SLC9A5: variants seen among roughly 807,000 people sequenced by gnomAD.
SLC9A5 encodes the protein solute carrier family 9 member A5, also known as sodium/hydrogen exchanger 5.
In SLC9A5, 52 loss-of-function variants were observed where a neutral mutation model predicts 91.7. The observed-to-expected ratio is 0.57, with a 90% CI of 0.45 to 0.71. The LOEUF is 0.71. Among genes scored for constraint, SLC9A5 ranks in the 30% least tolerant of loss-of-function variants. The pLI is 0.00. For missense variants in SLC9A5, 871 were observed against 1,158.9 expected (o/e 0.75, Z 3.61); for synonymous variants, 419 against 474.5 (o/e 0.88, Z 1.52).
At chr16:67,263,943 G>A (rs112091111) in intron 12 of SLC9A5, among the ~76,000 whole-genome samples, 6 of 152,338 alleles carry the variant, frequency 3.9e-5, no homozygotes, top group African/African-American at 1.4e-4. Context: ...ATTCCAGCTG[G>A]AGAAAGGATC....
At chr16:67,253,707 G>A (rs541868956) in intron 2 of SLC9A5, among the ~76,000 whole-genome samples, 3 of 152,178 alleles carry the variant, frequency 2.0e-5, no homozygotes, top group Non-Finnish European at 4.4e-5. Flanking sequence ...ATTTTTAGTA[G>A]AGATGGGGTT....
At position 67,258,500 on chromosome 16, in the gene SLC9A5, G is replaced by C; in HGVS notation, c.1626+53G>C. On this transcript the variant is annotated intron_variant, in intron 10 of 15. Transcript: ENST00000299798. This position sits in a 1 kb window ranked among gnomAD's most constrained non-coding sequence, Gnocchi z 4.5. ...GTGGTGGGTGGGCAGATGGTCAGCA[G>C]AGCAGGACAGAAAGGGGTGGCAAGC... is the stretch of plus-strand genomic sequence containing the variant. 6.2e-7 allele frequency: 1 copy of C among 1,609,038 alleles called. No homozygotes were observed. Among genetic ancestry groups the C allele is most frequent in the East Asian group, 2.2e-5 (1 of 44,804 alleles).
At chr16:67,253,809 C>G (rs576292393) in intron 2 of SLC9A5, among the ~76,000 whole-genome samples, 1 of 152,332 alleles carries the variant, frequency 6.6e-6, no homozygotes, top group Admixed American at 6.5e-5. Flanking sequence ...AGGCATGAGC[C>G]ACCACGCCTG....
rs1012909670 is a variant in SLC9A5 at position 67,258,064 on chromosome 16, C to T, written c.1497-254C>T. Among the ~76,000 whole-genome samples the T allele has an allele frequency of 6.6e-6, 1 of 152,242 alleles. No individual in the cohort carries two copies. Among genetic ancestry groups the T allele is most frequent in the African/African-American group, 2.4e-5 (1 of 41,476 alleles). ...GGCTAGGACGTATCTGTGTCATATT[C>T]TCTAATTATCCTTTGTAGTTCTTGT... On this transcript the variant is annotated intron_variant, in intron 9 of 15. Coordinates refer to ENST00000299798, the MANE Select transcript of SLC9A5 (RefSeq NM_004594.3). This position sits in a 1 kb window ranked among gnomAD's most constrained non-coding sequence, Gnocchi z 4.5.
chr16:67,255,542 C>G lies in SLC9A5; in HGVS notation c.733+71C>G, dbSNP rs539100363. The G allele has an allele frequency of 6.8e-7, 1 of 1,469,714 alleles. No individual in the cohort carries two copies. The highest frequency in any genetic ancestry group is 9.5e-7 in the Non-Finnish European group (1 of 1,049,570). The allele number at this position is 1,469,714 out of a possible 1,614,324, so 91.0% of individuals were successfully genotyped here. On this transcript the variant is annotated intron_variant, in intron 4 of 15. Coordinates refer to ENST00000299798, the MANE Select transcript of SLC9A5 (RefSeq NM_004594.3). The surrounding 1 kb of genome is among the most constrained non-coding windows in gnomAD (Gnocchi z 4.9). ...CTGGGTTGCTGAGGCCCTCCCACCC[C>G]GCATCAGGACAGAAGAGGCTATTCG...
chr16:67,259,535 A>T (rs775579468), intron 10 of SLC9A5, 38 bp from the exon 11 acceptor site: 1 of 1,504,634 alleles, frequency 6.6e-7, no homozygotes, highest in Non-Finnish European at 9.3e-7. Context: ...GCAACCCTCC[A>T]TCTGATTGCT....
rs1567411897 is a variant in SLC9A5, at chr16:67,258,285, G to C, written c.1497-33G>C. On this transcript the variant is annotated intron_variant, in intron 9 of 15. Transcript: ENST00000299798. The surrounding 1 kb of genome is among the most constrained non-coding windows in gnomAD (Gnocchi z 4.5). Reference sequence around the variant, plus strand: ...GGCCACCTGGCCAGGCCTTGGGAATGGGACTCAGGGCCGGGCCTGGCATCC... The same window carrying C: ...GGCCACCTGGCCAGGCCTTGGGAATCGGACTCAGGGCCGGGCCTGGCATCC... 6.2e-7 allele frequency: 1 copy of C among 1,611,156 alleles called. No homozygotes were observed.
rs41280898 is a variant in SLC9A5 at position 67,258,298 on chromosome 16, G to A, written c.1497-20G>A. ...GGCCTTGGGAATGGGACTCAGGGCC[G>A]GGCCTGGCATCCTCTGTAGGTGGGA... On this transcript the variant is annotated intron_variant, in intron 9 of 15. Coordinates refer to ENST00000299798, the MANE Select transcript of SLC9A5 (RefSeq NM_004594.3). This position sits in a 1 kb window ranked among gnomAD's most constrained non-coding sequence, Gnocchi z 4.5. The A allele has an allele frequency of 0.018, 29,127 of 1,612,786 alleles. 333 individuals are homozygous for A. The highest frequency in any genetic ancestry group is 0.022 in the Non-Finnish European group (25,900 of 1,179,800).
Position 67,252,609 on chromosome 16 carries a change from G to A in SLC9A5, c.255G>A (p.Leu85=). Reference sequence around the variant, plus strand: ...GCTGCCTGCTGATTTTGCTGGGCCTGGTGCTAGGGGGAATTGTTTTGGCTG... The same window carrying A: ...GCTGCCTGCTGATTTTGCTGGGCCTAGTGCTAGGGGGAATTGTTTTGGCTG... The part of the protein sequence containing the change: ...PESCLLILLG[L]VLGGIVLAVA... The change falls in exon 2 of 16, where the codon CTG becomes CTA. Residue 85 remains leucine, a synonymous_variant. Coordinates refer to ENST00000299798, the MANE Select transcript of SLC9A5 (RefSeq NM_004594.3). The surrounding 1 kb of genome is among the most constrained non-coding windows in gnomAD (Gnocchi z 4.0). The A allele has an allele frequency of 5.6e-6, 9 of 1,614,088 alleles. No individual in the cohort carries two copies. The highest frequency in any genetic ancestry group is 1.1e-5 in the South Asian group (1 of 91,084).
In SLC9A5 at chr16:67,258,027, C is replaced by G. The variant is rs1194992446; in HGVS notation, c.1497-291C>G. ...GCTTCAATTCCTTAGGGAGGACTTC[C>G]CTGGCCTCCCTGGCTAGGACGTATC... On this transcript the variant is annotated intron_variant, in intron 9 of 15. Coordinates refer to ENST00000299798, the MANE Select transcript of SLC9A5 (RefSeq NM_004594.3). The surrounding 1 kb of genome is among the most constrained non-coding windows in gnomAD (Gnocchi z 4.5). Among the ~76,000 whole-genome samples, 1 of 152,250 alleles carries G rather than the reference C, an allele frequency of 6.6e-6. No individual in the cohort carries two copies. Among genetic ancestry groups the G allele is most frequent in the Non-Finnish European group, 1.5e-5 (1 of 68,048 alleles).
At position 67,258,443 on chromosome 16, in the gene SLC9A5, ACCAGGTGGGCCAGCAGCTT is replaced by A. The variant is rs758566958; in HGVS notation, c.1626+10_1626+28del. ...ATCCGGGATGCCATCAGCTTTGTGG[ACCAGGTGGGCCAGCAGCTT>A]CCAGGTGGGCCAGTGGTGGGTGGGC... is the stretch of plus-strand genomic sequence containing the variant. On this transcript the variant is annotated splice_donor_variant and splice_donor_5th_base_variant and coding_sequence_variant and intron_variant, in exon 10 of 16. Transcript: ENST00000299798. LOFTEE classifies it high-confidence loss of function. The surrounding 1 kb of genome is among the most constrained non-coding windows in gnomAD (Gnocchi z 4.5). 15 of 1,613,958 alleles carry A rather than the reference ACCAGGTGGGCCAGCAGCTT, an allele frequency of 9.3e-6. No homozygotes were observed. The highest frequency in any genetic ancestry group is 1.1e-5 in the Non-Finnish European group (13 of 1,180,010).
rs922577187 is a variant in SLC9A5, at chr16:67,257,286, G to A, written c.1336-59G>A. ...AAGCTGAAGCCTCATTACGGGGAGA[G>A]AAAGGCAGCAGGGAACTGAATAGGA... On this transcript the variant is annotated intron_variant, in intron 7 of 15. Coordinates refer to ENST00000299798, the MANE Select transcript of SLC9A5 (RefSeq NM_004594.3). This position sits in a 1 kb window ranked among gnomAD's most constrained non-coding sequence, Gnocchi z 5.1. 1.3e-6 allele frequency: 2 copies of A among 1,497,300 alleles called. No homozygotes were observed. Among genetic ancestry groups the A allele is most frequent in the African/African-American group, 2.8e-5 (2 of 72,480 alleles). 92.8% of individuals were successfully genotyped at this position (1,497,300 alleles called of 1,614,324 possible).
chr16:67,249,057 G>C lies in SLC9A5; in HGVS notation c.43G>C (p.Gly15Arg). 1.3e-6 allele frequency: 2 copies of C among 1,508,374 alleles called. No individual in the cohort carries two copies. The highest frequency in any genetic ancestry group is 1.8e-6 in the Non-Finnish European group (2 of 1,135,008). The allele number at this position is 1,508,374 out of a possible 1,614,324, so 93.4% of individuals were successfully genotyped here. A position where few individuals can be genotyped will look rare whatever the true frequency, so the allele number is the denominator to read the frequency against. ...GTCCCTGCTCGCGCTGCCCCTGGCG[G>C]GGGCGGCCGAAGAGCCCACCCAGAA... is the stretch of plus-strand genomic sequence containing the variant. ...ALSLLALPLAGAAEEPTQKPE... is the reference protein window; with the variant it reads ...ALSLLALPLARAAEEPTQKPE... Residue 15 changes from glycine to arginine, a missense_variant, in exon 1 of 16, where the codon GGG (glycine) becomes CGG (arginine). Transcript: ENST00000299798.
chr16:67,249,869 C>T (rs2035046356), intron 1 of SLC9A5, among the ~76,000 whole-genome samples: 1 of 152,200 alleles, frequency 6.6e-6, no homozygotes, highest in African/African-American at 2.4e-5. Flanking sequence ...CATCCGACCT[C>T]TTCAGTCCTG....
Position 67,256,813 on chromosome 16 carries a change from C to T in SLC9A5, c.1133-98C>T, listed in dbSNP as rs2035335421. The T allele has an allele frequency of 3.6e-6, 5 of 1,394,238 alleles. No homozygotes were observed. In the Admixed American group the frequency reaches 6.9e-5, roughly 19 times the overall value. 86.4% of individuals were successfully genotyped at this position (1,394,238 alleles called of 1,614,324 possible). A position where few individuals can be genotyped will look rare whatever the true frequency, so the allele number is the denominator to read the frequency against. On this transcript the variant is annotated intron_variant, in intron 6 of 15. Coordinates refer to ENST00000299798, the MANE Select transcript of SLC9A5 (RefSeq NM_004594.3). This position sits in a 1 kb window ranked among gnomAD's most constrained non-coding sequence, Gnocchi z 4.1. ...GCCTCCTCTTGTTGCTCACCTGTCC[C>T]AGCCCCTGTTAGACCTCAGCCCAGA...
intron 1 of SLC9A5, among the ~76,000 whole-genome samples, chr16:67,251,072 C>A (rs1464236375): frequency 6.6e-6 from 1 of 152,158 alleles, no homozygotes; most frequent in African/African-American, 2.4e-5. Flanking sequence ...ATCATTTTAT[C>A]CTCACCCTTG....
At position 67,255,201 on chromosome 16, in the gene SLC9A5, G is replaced by A; in HGVS notation, c.654+17G>A. The A allele has an allele frequency of 6.2e-7, 1 of 1,609,116 alleles. No homozygotes were observed. The highest frequency in any genetic ancestry group is 8.5e-7 in the Non-Finnish European group (1 of 1,176,644). ...GTCACCGTGGTGAGCGTGCTCAGCT[G>A]ACTGCCATTCCCTGACCCCAGGCTG... is the stretch of plus-strand genomic sequence containing the variant. On this transcript the variant is annotated intron_variant, in intron 3 of 15. Transcript: ENST00000299798. The surrounding 1 kb of genome is among the most constrained non-coding windows in gnomAD (Gnocchi z 4.9).
chr16:67,270,779 T>A lies in SLC9A5; in HGVS notation c.2260T>A (p.Ser754Thr). The A allele has an allele frequency of 6.2e-7, 1 of 1,613,204 alleles. No homozygotes were observed. Among genetic ancestry groups the A allele is most frequent in the Non-Finnish European group, 8.5e-7 (1 of 1,179,582 alleles). ...VCPSPRIIPPSPTCAEKELPW... is the reference protein window; with the variant it reads ...VCPSPRIIPPTPTCAEKELPW... ...CCCAAGCCCACGAATCATTCCCCCC[T>A]CCCCAACCTGTGCAGAAAAGGAGCT... Residue 754 changes from serine (S) to threonine (T), a missense_variant, in exon 16 of 16, where the codon TCC becomes ACC. Around this residue, in one of 3 missense-constraint regions of SLC9A5, gnomAD observed 295 missense variants for 326.0 expected, o/e 0.90. Coordinates refer to ENST00000299798, the MANE Select transcript of SLC9A5 (RefSeq NM_004594.3). The surrounding 1 kb of genome is among the most constrained non-coding windows in gnomAD (Gnocchi z 4.3).
intron 14 of SLC9A5, 177 bp downstream of exon 14, chr16:67,265,283 C>A: frequency 1.6e-6 from 1 of 615,846 alleles, no homozygotes; most frequent in East Asian, 2.8e-5. Context: ...TTAGACAATG[C>A]GTGACAGGAG....
Sources: gnomAD v4.1 joint callset for allele counts (sites outside exome capture counted in the v4.1 genomes callset) on GRCh38, gnomAD v4.1.1 for gene constraint, gnomAD v4.1.1 regional missense constraint, Gnocchi (gnomAD v3.1) non-coding constraint, MANE v1.5 for transcripts, NCBI Gene and HGNC (gene_info 2026-07-23, HGNC 2026-07-21) for gene names.